Variants in AP2A1 observed in about 807,000 individuals in gnomAD.
AP2A1 encodes the protein AP-2 complex subunit alpha-1.
A neutral mutation model predicts 107.3 loss-of-function variants in AP2A1; 21 were observed. The ratio of observed to expected loss-of-function variants is 0.20; its 90% CI spans 0.14 to 0.28. The LOEUF is 0.28. Among genes scored for constraint, AP2A1 ranks in the 10% least tolerant of loss-of-function variants. The pLI is 1.00. For synonymous variants in AP2A1, 602 were observed against 564.8 expected (o/e 1.07, Z -0.93); for missense variants, 873 against 1,307.7 (o/e 0.67, Z 5.13).
At chr19:49,805,627 G>A (rs749396000) in intron 19 of AP2A1, 34 bp from the exon 20 acceptor site, 4 of 1,551,810 alleles carry the variant, frequency 2.6e-6, no homozygotes, top group East Asian at 2.4e-5. Flanking sequence ...GGTGAGGGGC[G>A]GGGCCTAATG....
At chr19:49,770,754 G>A (rs1243472827) in intron 1 of AP2A1, among the ~76,000 whole-genome samples, 2 of 152,204 alleles carry the variant, frequency 1.3e-5, no homozygotes, top group African/African-American at 2.4e-5. Context: ...CATGTTGATA[G>A]AGTATCTTGA....
At position 49,781,975 on chromosome 19, in the gene AP2A1, G is replaced by GA; in HGVS notation, c.171dup (p.Tyr58IlefsTer4). 1 of 1,612,464 alleles carries GA rather than the reference G, an allele frequency of 6.2e-7. No homozygotes were observed. The highest frequency in any genetic ancestry group is 8.5e-7 in the Non-Finnish European group (1 of 1,179,224). On this transcript the variant is annotated frameshift_variant, in exon 3 of 23. Coordinates refer to ENST00000354293, the MANE Select transcript of AP2A1 (RefSeq NM_130787.3). LOFTEE classifies it high-confidence loss of function. Reference sequence around the variant, plus strand: ...ACAAAGCCTTGGATGGCTACAGTAAGAAAAAATATGTGTGTAAACTGCTTT... The same window carrying GA: ...ACAAAGCCTTGGATGGCTACAGTAAGAAAAAAATATGTGTGTAAACTGCTTT...
chr19:49,782,836 T>G, intron 4 of AP2A1, 112 bp downstream of exon 4: 5 of 1,273,234 alleles, frequency 3.9e-6, no homozygotes, highest in Non-Finnish European at 5.3e-6. Flanking sequence ...AGCCGAGATG[T>G]GGGCTAACGC....
At chr19:49,802,627 G>T (rs1258315138) in intron 15 of AP2A1, 2 of 1,521,412 alleles carry the variant, frequency 1.3e-6, no homozygotes, top group Admixed American at 2.0e-5. Context: ...GTGGGAGGTC[G>T]GTCGGGGGGG....
At position 49,801,701 on chromosome 19, in the gene AP2A1, TC is replaced by T. The variant is rs756833142; in HGVS notation, c.1786-17del. The T allele has an allele frequency of 9.2e-6, 13 of 1,406,926 alleles. No individual in the cohort carries two copies. The Admixed American group carries it at 2.4e-4, about 26-fold the overall frequency. 87.2% of individuals were successfully genotyped at this position (1,406,926 alleles called of 1,614,324 possible). ...CCCTCCTCCTGACCCGAACTGACCTTCCCCACCCCGACCGCGCCAGGCCACG... is the reference window on the plus strand; with the variant it reads ...CCCTCCTCCTGACCCGAACTGACCTTCCCACCCCGACCGCGCCAGGCCACG... On this transcript the variant is annotated intron_variant, in intron 13 of 22. Coordinates refer to ENST00000354293, the MANE Select transcript of AP2A1 (RefSeq NM_130787.3).
chr19:49,805,892 A>G lies in AP2A1; in HGVS notation c.2606A>G (p.Lys869Arg). 1 of 1,613,842 alleles carries G rather than the reference A, an allele frequency of 6.2e-7. No individual in the cohort carries two copies. Among genetic ancestry groups the G allele is most frequent in the Non-Finnish European group, 8.5e-7 (1 of 1,179,884 alleles). ...CCCAGCCCTCAACAGGAGGCGCAGA[A>G]AATCTTCAAAGCCAACCACCCCATG... ...QLSLPQQEAQ[K>R]IFKANHPMDA... The change falls in exon 21 of 23, where the codon AAA (lysine) becomes AGA (arginine). Residue 869 changes from lysine (K) to arginine (R), a missense_variant. This residue lies in a region of AP2A1 where 416 missense variants were observed against 473.4 expected (regional missense o/e 0.88). Coordinates refer to ENST00000354293, the MANE Select transcript of AP2A1 (RefSeq NM_130787.3).
At position 49,769,419 on chromosome 19, in the gene AP2A1, G is replaced by A. The variant is rs75190611; in HGVS notation, c.67+2219G>A. Among the ~76,000 whole-genome samples, 922 of 152,288 alleles carry A rather than the reference G, an allele frequency of 6.1e-3. 6 individuals carry two copies. Among genetic ancestry groups the A allele is most frequent in the Non-Finnish European group, 9.7e-3 (657 of 68,032 alleles). Reference sequence around the variant, plus strand: ...TCGGGAGAGGGACTAGGATGGAGAGGGTACTCAGTAGGCCTCGTGGAGGAA... The same window carrying A: ...TCGGGAGAGGGACTAGGATGGAGAGAGTACTCAGTAGGCCTCGTGGAGGAA... On this transcript the variant is annotated intron_variant, in intron 1 of 22. Coordinates refer to ENST00000354293, the MANE Select transcript of AP2A1 (RefSeq NM_130787.3).
At chr19:49,775,089 A>G (rs1420902440) in intron 1 of AP2A1, among the ~76,000 whole-genome samples, 1 of 151,500 alleles carries the variant, frequency 6.6e-6, no homozygotes, top group South Asian at 2.1e-4. Context: ...TTAGCCACGC[A>G]TGGTGGCATG....
In AP2A1 at chr19:49,785,771, G is replaced by A. The variant is rs1199231819; in HGVS notation, c.473+3047G>A. Among the ~76,000 whole-genome samples, 3 of 152,094 alleles carry A rather than the reference G, an allele frequency of 2.0e-5. No individual in the cohort carries two copies. Among genetic ancestry groups the A allele is most frequent in the Non-Finnish European group, 2.9e-5 (2 of 68,024 alleles). On this transcript the variant is annotated intron_variant, in intron 4 of 22. Coordinates refer to ENST00000354293, the MANE Select transcript of AP2A1 (RefSeq NM_130787.3). This position sits in a 1 kb window ranked among gnomAD's most constrained non-coding sequence, Gnocchi z 4.1. ...GTCTCTACTAAAAATACAAAAATTA[G>A]TCAGGTGTGGTGGCGGGCACCTGTA...
At position 49,775,669 on chromosome 19, in the gene AP2A1, C is replaced by T. The variant is rs192582924; in HGVS notation, c.68-6088C>T. Among the ~76,000 whole-genome samples the T allele has an allele frequency of 7.2e-5, 11 of 152,244 alleles. No individual in the cohort carries two copies. The East Asian group carries it at 1.9e-3, about 27-fold the overall frequency. On this transcript the variant is annotated intron_variant, in intron 1 of 22. Coordinates refer to ENST00000354293, the MANE Select transcript of AP2A1 (RefSeq NM_130787.3). ...CTGCCTGTCTCAGCCTCCCAAAGTG[C>T]TGGGATTAGAGGCGGGAGGCATTGC...
rs945976373 is a variant in AP2A1 at position 49,806,594 on chromosome 19, ATCCT to A, written c.2791-76_2791-73del. 38 of 1,545,244 alleles carry A rather than the reference ATCCT, an allele frequency of 2.5e-5. No homozygotes were observed. In the East Asian group the frequency reaches 4.4e-4, roughly 18 times the overall value. On this transcript the variant is annotated intron_variant, in intron 22 of 22. Transcript: ENST00000354293. ...CTTGTATCACCTTTCTGGCCCCTTT[ATCCT>A]TCCTTCCTTCTATCTCCCTTGGGTC...
chr19:49,767,977 CG>C (rs1039087584), intron 1 of AP2A1, among the ~76,000 whole-genome samples: 2 of 150,728 alleles, frequency 1.3e-5, no homozygotes, highest in African/African-American at 2.4e-5. Context: ...TGACAGGGAA[CG>C]GGGGGCCAGG....
Position 49,801,769 on chromosome 19 carries a change from C to A in AP2A1, c.1833C>A (p.Ser611=), listed in dbSNP as rs774804286. The change falls in exon 14 of 23, where the codon TCC becomes TCA. Residue 611 remains serine, a synonymous_variant. Transcript: ENST00000354293. ...CGCCCTTCCCCGAGCGCGAGTCGTC[C>A]ATCCTGGCCAAGCTGAAACGCAAGA... ...EMPPFPERES[S]ILAKLKRKKG... 3.2e-6 allele frequency: 5 copies of A among 1,569,092 alleles called. No homozygotes were observed. In the Admixed American group the frequency reaches 9.2e-5, roughly 29 times the overall value.
chr19:49,801,933 G>C, intron 14 of AP2A1, 44 bp downstream of exon 14: 1 of 1,458,418 alleles, frequency 6.9e-7, no homozygotes. Context: ...CTGGGGCTGG[G>C]TCCTGCCGGG....
chr19:49,799,177 G>A, intron 8 of AP2A1, 150 bp from the exon 9 acceptor site: 1 of 1,141,136 alleles, frequency 8.8e-7, no homozygotes. Context: ...AGTTGTCTGG[G>A]TCACTGGAGG....
At chr19:49,795,582 G>GCCCCC in intron 6 of AP2A1, 48 bp from the exon 7 acceptor site, 3 of 692,050 alleles carry the variant, frequency 4.3e-6, no homozygotes, top group East Asian at 2.9e-5. Flanking sequence ...GGACCCACGT[G>GCCCCC]CCCCTCCCAC....
At chr19:49,805,056 A>G (rs2073344498) in intron 18 of AP2A1, 1 of 171,898 alleles carries the variant, frequency 5.8e-6, no homozygotes, top group African/African-American at 2.4e-5. Flanking sequence ...ACAGGTGCAC[A>G]TCACCATGCC....
chr19:49,770,251 G>A (rs999849396), intron 1 of AP2A1, among the ~76,000 whole-genome samples: 1 of 152,104 alleles, frequency 6.6e-6, no homozygotes, highest in South Asian at 2.1e-4. Context: ...AGATCGTCCC[G>A]TCACTGCAGG....
At chr19:49,789,826 C>T (rs186976456) in intron 4 of AP2A1, among the ~76,000 whole-genome samples, 1 of 152,194 alleles carries the variant, frequency 6.6e-6, no homozygotes, top group Non-Finnish European at 1.5e-5. Context: ...GGCTTACCCC[C>T]ATCTGTGCCC....
Sources: allele counts gnomAD v4.1 joint callset (sites outside exome capture counted in the v4.1 genomes callset), GRCh38; gene constraint gnomAD v4.1.1; regional missense constraint gnomAD v4.1.1; non-coding constraint Gnocchi (gnomAD v3.1); transcripts MANE v1.5; gene names NCBI Gene and HGNC (gene_info 2026-07-23, HGNC 2026-07-21).